The following MCPH1 variants were observed in gnomAD, a reference collection of about 807,000 sequenced individuals.
MCPH1 encodes the protein microcephalin.
In MCPH1, 104 loss-of-function variants were observed where a neutral mutation model predicts 84.5. The ratio of observed to expected loss-of-function variants is 1.23; its 90% CI spans 1.05 to 1.45. The LOEUF (loss-of-function observed/expected upper bound fraction) is 1.45, where lower values mean the gene tolerates loss of function less well. MCPH1 is among the 40% of genes most tolerant of loss of function. The pLI, the probability that MCPH1 is intolerant of heterozygous loss-of-function variation, is 0.00. For synonymous variants in MCPH1, 514 were observed against 366.8 expected, an observed-to-expected ratio of 1.40 and a Z score of -4.58; for missense variants, 1,498 against 1,005.7, an observed-to-expected ratio of 1.49 and a Z score of -6.62.
intron 13 of MCPH1, among the ~76,000 whole-genome samples, chr8:6,640,974 T>G: frequency 6.6e-6 from 1 of 152,218 alleles, no homozygotes; most frequent in East Asian, 1.9e-4. Flanking sequence ...CGTCCATTGA[T>G]CTGTTTGTCT....
intron 5 of MCPH1, among the ~76,000 whole-genome samples, chr8:6,437,690 A>G (rs1802869179): frequency 6.6e-6 from 1 of 151,994 alleles, no homozygotes; most frequent in East Asian, 1.9e-4. Flanking sequence ...CTTCCTTCAC[A>G]CCAGCTGTCT....
At chr8:6,415,292 C>CTTTTTTTT (rs1799107139) in intron 3 of MCPH1, among the ~76,000 whole-genome samples, 2 of 9,732 alleles carry the variant, frequency 2.1e-4, no homozygotes, top group South Asian at 0.014. Context: ...GGGTTGGTAT[C>CTTTTTTTT]TTCTTTTTTT....
In MCPH1 at chr8:6,444,940, C is replaced by T. The variant is rs774338796; in HGVS notation, c.1218C>T (p.Ser406=). 6.2e-7 allele frequency: 1 copy of T among 1,614,160 alleles called. No individual in the cohort carries two copies. Among genetic ancestry groups the T allele is most frequent in the Non-Finnish European group, 8.5e-7 (1 of 1,180,026 alleles). ...CGGGACCTGCCCTGGAGGCTCTTAG[C>T]TGTGGGGAGTCTTCATATGATGACT... The part of the protein sequence containing the change: ...HVAGPALEAL[S]CGESSYDDYF... The change falls in exon 8 of 14, where the codon AGC becomes AGT. Residue 406 remains serine (S), a synonymous_variant. Transcript: ENST00000344683.
intron 2 of MCPH1, among the ~76,000 whole-genome samples, chr8:6,411,231 C>T (rs1349038009): frequency 6.6e-6 from 1 of 152,078 alleles, no homozygotes; most frequent in Non-Finnish European, 1.5e-5. Context: ...GGGTGCTGCC[C>T]CAAGTTCCTG....
In MCPH1 at chr8:6,431,553, G is replaced by A. The variant is rs1801843640; in HGVS notation, c.288G>A (p.Met96Ile). ...IDESLFPAANMNEHLSSLIKK... is the reference protein window; with the variant it reads ...IDESLFPAANINEHLSSLIKK... ...AATCATTGTTCCCTGCAGCTAATAT[G>A]AATGAACACTTATCAAGCCTAATTA... Residue 96 changes from methionine to isoleucine, a missense_variant, in exon 4 of 14, where the codon ATG (methionine) becomes ATA (isoleucine). Transcript: ENST00000344683. 1 of 1,612,868 alleles carries A rather than the reference G, an allele frequency of 6.2e-7. No homozygotes were observed. The highest frequency in any genetic ancestry group is 1.1e-5 in the South Asian group (1 of 90,996).
In MCPH1 at chr8:6,444,659, C is replaced by G. The variant is rs1223121650; in HGVS notation, c.937C>G (p.Pro313Ala). The G allele has an allele frequency of 6.2e-7, 1 of 1,613,890 alleles. No individual in the cohort carries two copies. The highest frequency in any genetic ancestry group is 1.3e-5 in the African/African-American group (1 of 74,902). ...AAATATTGCAGGTAAAGTAGTCACC[C>G]CTGACCAAAAGCAGGCTGCAGGTAT... ...QRNIAGKVVT[P>A]DQKQAAGMSQ... The change falls in exon 8 of 14, where the codon CCT becomes GCT. Residue 313 changes from proline to alanine, a missense_variant. Pro to Ala is a conservative substitution (Grantham distance 27). Transcript: ENST00000344683.
chr8:6,562,449 C>T (rs1352947115), intron 12 of MCPH1, among the ~76,000 whole-genome samples: 1 of 151,904 alleles, frequency 6.6e-6, no homozygotes, highest in Non-Finnish European at 1.5e-5. Flanking sequence ...TTATTTTCAC[C>T]CCGGGGACTA....
intron 11 of MCPH1, among the ~76,000 whole-genome samples, chr8:6,493,649 G>A (rs1413126524): frequency 6.6e-6 from 1 of 152,136 alleles, no homozygotes; most frequent in Non-Finnish European, 1.5e-5. Flanking sequence ...TCCTGGTTCA[G>A]TGGGTCTGGG....
At chr8:6,463,636 G>C (rs922929468) in intron 9 of MCPH1, among the ~76,000 whole-genome samples, 1 of 152,184 alleles carries the variant, frequency 6.6e-6, no homozygotes, top group Non-Finnish European at 1.5e-5. Flanking sequence ...CCCAGATGCA[G>C]TGTGGCCAGG....
chr8:6,567,835 G>A (rs1286839727), intron 12 of MCPH1, among the ~76,000 whole-genome samples: 4 of 152,156 alleles, frequency 2.6e-5, no homozygotes, highest in African/African-American at 9.7e-5. Context: ...CTGTACTGAC[G>A]GGACCACAAG....
intron 3 of MCPH1, among the ~76,000 whole-genome samples, chr8:6,418,481 A>G (rs1799637782): frequency 6.6e-6 from 1 of 152,316 alleles, no homozygotes; most frequent in African/African-American, 2.4e-5. Flanking sequence ...ATAAACAGAA[A>G]TGGAACTTAG....
chr8:6,513,877 A>G (rs1422664141), intron 12 of MCPH1: 2 of 1,571,424 alleles, frequency 1.3e-6, no homozygotes, highest in Non-Finnish European at 1.7e-6. Context: ...CAATTATTTC[A>G]TGTAATTTTT....
chr8:6,585,783 T>C (rs1459423376), intron 12 of MCPH1, among the ~76,000 whole-genome samples: 1 of 152,188 alleles, frequency 6.6e-6, no homozygotes, highest in Non-Finnish European at 1.5e-5. Context: ...TGTACTTCCT[T>C]CATGACCCAC....
intron 12 of MCPH1, among the ~76,000 whole-genome samples, chr8:6,542,626 G>T (rs544276637): frequency 6.6e-6 from 1 of 151,740 alleles, no homozygotes; most frequent in Non-Finnish European, 1.5e-5. Flanking sequence ...TGTCTGAGGA[G>T]CATTAACATT....
intron 8 of MCPH1, chr8:6,447,550 TGTTTTTTA>T (rs1804578648): frequency 5.7e-6 from 3 of 525,726 alleles, no homozygotes; most frequent in South Asian, 1.6e-4. Context: ...TGTTTTGTTT[TGTTTTTTA>T]GTTTTTTTTG....
chr8:6,459,799 T>C (rs1363544968), intron 9 of MCPH1, among the ~76,000 whole-genome samples: 1 of 152,222 alleles, frequency 6.6e-6, no homozygotes, highest in Non-Finnish European at 1.5e-5. Flanking sequence ...CAGACAGGAC[T>C]GTCAGTCGAT....
chr8:6,576,682 ATTTTTTTTTTTTTTTTT>A (rs58486084), intron 12 of MCPH1, among the ~76,000 whole-genome samples: 3,463 of 41,644 alleles, frequency 0.083, 27 homozygotes, highest in East Asian at 0.17. Flanking sequence ...TAATTTTTGT[ATTTTTTTTTTTTTTTTT>A]TTTTTTTTTT....
At chr8:6,512,486 G>A (rs1815356156) in intron 12 of MCPH1, among the ~76,000 whole-genome samples, 1 of 152,156 alleles carries the variant, frequency 6.6e-6, no homozygotes, top group Admixed American at 6.5e-5. Flanking sequence ...ACCTCAAAGT[G>A]GGTATTTCAT....
intron 12 of MCPH1, among the ~76,000 whole-genome samples, chr8:6,552,206 C>G (rs184965463): frequency 7.9e-5 from 12 of 152,308 alleles, no homozygotes; most frequent in African/African-American, 2.9e-4. Flanking sequence ...CATTTAGTTC[C>G]TGCCTTCTTC....
Sources: allele counts gnomAD v4.1 joint callset (sites outside exome capture counted in the v4.1 genomes callset), GRCh38; gene constraint gnomAD v4.1.1; transcripts MANE v1.5; gene names NCBI Gene and HGNC (gene_info 2026-07-23, HGNC 2026-07-21).